Variants in NRIP3 observed in about 807,000 individuals in gnomAD.
NRIP3 encodes the protein nuclear receptor interacting protein 3.
Under a neutral mutation model 29.0 loss-of-function variants are expected in NRIP3, and 31 were observed. The observed-to-expected ratio is 1.07, with a 90% confidence interval of 0.80 to 1.44. The LOEUF (loss-of-function observed/expected upper bound fraction) is 1.44. Among genes scored for constraint, NRIP3 ranks in the 40% most tolerant of loss-of-function variants. The pLI is 0.00. For missense variants in NRIP3, 314 were observed against 297.9 expected, an observed-to-expected ratio of 1.05 and a Z score of -0.40; for synonymous variants, 131 against 118.3, an observed-to-expected ratio of 1.11 and a Z score of -0.70.
intron 1 of NRIP3, 51 bp downstream of exon 1, chr11:9,003,711 G>C (rs1490977754): frequency 3.7e-6 from 5 of 1,356,452 alleles, no homozygotes; most frequent in South Asian, 1.7e-5. Flanking sequence ...CTCGGAAAAC[G>C]GCGGGCGCGA....
rs1854862465 is a variant in NRIP3 at position 9,003,893 on chromosome 11, T to G, written c.43A>C (p.Thr15Pro). The change falls in exon 1 of 7, where the codon ACC becomes CCC. Residue 15 changes from threonine to proline, a missense_variant. Physicochemically the swap from Thr to Pro is conservative, Grantham distance 38. Coordinates refer to ENST00000309166, the MANE Select transcript of NRIP3 (RefSeq NM_020645.3). ...AGTGACGCCGCCTCCCGCATGTCGG[T>G]CTCCTTGCGGCCGCCCTCAGTGAGG... is the stretch of plus-strand genomic sequence containing the variant. ...GLLTEGGRKE[T>P]DMREAASLRQ... 6.6e-7 allele frequency: 1 copy of G among 1,523,302 alleles called. No homozygotes were observed. The highest frequency in any genetic ancestry group is 1.4e-5 in the African/African-American group (1 of 69,774). The allele number at this position is 1,523,302 out of a possible 1,614,324, so 94.4% of individuals were successfully genotyped here.
chr11:8,996,224 T>C (rs1854701546), intron 1 of NRIP3, among the ~76,000 whole-genome samples: 1 of 151,736 alleles, frequency 6.6e-6, no homozygotes, highest in Admixed American at 6.6e-5. Context: ...GCTCTTGACA[T>C]AGTACTGAAA....
chr11:8,987,522 T>A, intron 3 of NRIP3, 26 bp downstream of exon 3: 1 of 1,523,584 alleles, frequency 6.6e-7, no homozygotes, highest in Non-Finnish European at 9.1e-7. Flanking sequence ...ACATCTAAGT[T>A]CCACTCAGCA....
intron 1 of NRIP3, among the ~76,000 whole-genome samples, chr11:8,999,256 A>G (rs930014342): frequency 1.1e-4 from 16 of 152,176 alleles, no homozygotes; most frequent in Admixed American, 3.3e-4. Flanking sequence ...CAATGCATCA[A>G]TTACATTTGT....
Position 8,983,513 on chromosome 11 carries a change from A to T in NRIP3, c.*32T>A. 6.2e-7 allele frequency: 1 copy of T among 1,609,812 alleles called. No homozygotes were observed. Among genetic ancestry groups the T allele is most frequent in the Non-Finnish European group, 8.5e-7 (1 of 1,176,678 alleles). Reference sequence around the variant, plus strand: ...CTATCTGTCAACCCGGTGTGTATGCATGCACACGTGCAGACATGCTGCAGG... The same window carrying T: ...CTATCTGTCAACCCGGTGTGTATGCTTGCACACGTGCAGACATGCTGCAGG... On this transcript the variant is annotated 3_prime_UTR_variant, in exon 7 of 7. Coordinates refer to ENST00000309166, the MANE Select transcript of NRIP3 (RefSeq NM_020645.3).
intron 1 of NRIP3, among the ~76,000 whole-genome samples, chr11:8,994,600 G>T (rs2134922206): frequency 6.6e-6 from 1 of 152,280 alleles, no homozygotes; most frequent in Middle Eastern, 3.4e-3. Flanking sequence ...AGACAAGTTT[G>T]TGGTATAAGC....
intron 4 of NRIP3, among the ~76,000 whole-genome samples, chr11:8,984,417 C>A (rs1342475174): frequency 2.0e-5 from 3 of 152,130 alleles, no homozygotes; most frequent in Non-Finnish European, 4.4e-5. Context: ...CACCCACCAC[C>A]ACGCTTGGCT....
intron 1 of NRIP3, 139 bp from the exon 2 acceptor site, chr11:8,988,421 G>A (rs1347518315): frequency 4.3e-6 from 3 of 693,816 alleles, no homozygotes; most frequent in Admixed American, 3.0e-5. Context: ...CTTCCTTCAA[G>A]TGAGGACTTC....
chr11:9,002,383 T>C (rs1854820307), intron 1 of NRIP3, among the ~76,000 whole-genome samples: 1 of 151,960 alleles, frequency 6.6e-6, no homozygotes, highest in Non-Finnish European at 1.5e-5. Context: ...CTTATCACTC[T>C]GGGTTAGCAT....
intron 6 of NRIP3, 104 bp downstream of exon 6, chr11:8,983,771 C>G: frequency 1.9e-6 from 2 of 1,059,732 alleles, no homozygotes; most frequent in Non-Finnish European, 1.5e-6. Flanking sequence ...AATTGAAAGC[C>G]AAAGACAGGA....
Position 8,985,769 on chromosome 11 carries a change from A to C in NRIP3, c.504T>G (p.Ile168Met), listed in dbSNP as rs1209227849. Reference sequence around the variant, plus strand: ...AGCCCAGTGTGATCACTAGGTGCTCAATCTGGCCCACTACTTTGAGATGCC... The same window carrying C: ...AGCCCAGTGTGATCACTAGGTGCTCCATCTGGCCCACTACTTTGAGATGCC... ...LPRHLKVVGQ[I>M]EHLVITLGSL... Residue 168 changes from isoleucine (I) to methionine (M), a missense_variant, in exon 4 of 7, where the codon ATT (isoleucine) becomes ATG (methionine). Ile to Met is a conservative substitution (Grantham distance 10, BLOSUM62 1). Coordinates refer to ENST00000309166, the MANE Select transcript of NRIP3 (RefSeq NM_020645.3). 6.2e-7 allele frequency: 1 copy of C among 1,614,176 alleles called. No homozygotes were observed. Among genetic ancestry groups the C allele is most frequent in the Non-Finnish European group, 8.5e-7 (1 of 1,180,022 alleles).
chr11:8,992,423 C>T (rs188658682), intron 1 of NRIP3, among the ~76,000 whole-genome samples: 12 of 152,202 alleles, frequency 7.9e-5, no homozygotes, highest in African/African-American at 2.4e-4. Context: ...CACATGGAGC[C>T]TACCATAATG....
rs752845130 is a variant in NRIP3 at position 8,985,826 on chromosome 11, G to A, written c.447C>T (p.His149=). ...GAGAAAGCTTTTCTCCTTCATGCTT[G>A]TGGGATTTGACATGCTCCTTGAGTC... The part of the protein sequence containing the change: ...RLGLKEHVKS[H]KHEGEKLSLP... The change falls in exon 4 of 7, where the codon CAC becomes CAT. Residue 149 remains histidine (H), a synonymous_variant. Transcript: ENST00000309166. 23 of 1,614,020 alleles carry A rather than the reference G, an allele frequency of 1.4e-5. No individual in the cohort carries two copies. In the Admixed American group the frequency reaches 3.2e-4, roughly 22 times the overall value.
intron 1 of NRIP3, among the ~76,000 whole-genome samples, chr11:9,001,209 CA>C (rs531896213): frequency 6.6e-6 from 1 of 152,184 alleles, no homozygotes; most frequent in Non-Finnish European, 1.5e-5. Context: ...GACTTTGTAT[CA>C]GCCAACTCCA....
rs1393490767 is a variant in NRIP3, at chr11:8,984,085, A to G, written c.602T>C (p.Leu201Pro). Residue 201 changes from leucine to proline, a missense_variant, in exon 5 of 7, where the codon CTC becomes CCC. Physicochemically the swap from Leu to Pro is moderately conservative, Grantham distance 98. Coordinates refer to ENST00000309166, the MANE Select transcript of NRIP3 (RefSeq NM_020645.3). ...EKNLSLGLQT[L>P]RSLKCIINLD... ...AGTCAATCTTACCTTCAGAGATCGG[A>G]GAGTCTGTAGACCAAGGGACAAGTT... 5.0e-6 allele frequency: 8 copies of G among 1,613,070 alleles called. No homozygotes were observed. Among genetic ancestry groups the G allele is most frequent in the African/African-American group, 2.7e-5 (2 of 75,014 alleles).
chr11:8,983,350 C>T lies in NRIP3; in HGVS notation c.*195G>A, dbSNP rs185307676. The T allele has an allele frequency of 8.4e-6, 5 of 596,816 alleles. No homozygotes were observed. The highest frequency in any genetic ancestry group is 1.5e-5 in the Non-Finnish European group (5 of 332,920). 37.0% of individuals were successfully genotyped at this position (596,816 alleles called of 1,614,324 possible). A position where few individuals can be genotyped will look rare whatever the true frequency, so the allele number is the denominator to read the frequency against. ...GATCAAAGTAGTAAAAAACAATGGC[C>T]ATAACCAGACAAGATCTCTAAGCAT... is the stretch of plus-strand genomic sequence containing the variant. On this transcript the variant is annotated 3_prime_UTR_variant, in exon 7 of 7. Coordinates refer to ENST00000309166, the MANE Select transcript of NRIP3 (RefSeq NM_020645.3).
At chr11:8,983,740 G>C in intron 6 of NRIP3, 135 bp downstream of exon 6, 1 of 898,908 alleles carries the variant, frequency 1.1e-6, no homozygotes, top group Non-Finnish European at 1.8e-6. Context: ...CTGGGTGTGG[G>C]GAAGGGTGGA....
chr11:8,989,221 T>A (rs1333854170), intron 1 of NRIP3, among the ~76,000 whole-genome samples: 1 of 152,238 alleles, frequency 6.6e-6, no homozygotes, highest in Non-Finnish European at 1.5e-5. Context: ...CAAAGTGGCC[T>A]CCAGAAAGTT....
intron 4 of NRIP3, 68 bp from the exon 5 acceptor site, chr11:8,984,192 C>A (rs1187961153): frequency 1.4e-5 from 13 of 941,318 alleles, no homozygotes; most frequent in Non-Finnish European, 2.3e-5. Context: ...GGCCTAATCA[C>A]TATTAGGTTC....
Sources: gnomAD v4.1 joint callset for allele counts (sites outside exome capture counted in the v4.1 genomes callset) on GRCh38, gnomAD v4.1.1 for gene constraint, MANE v1.5 for transcripts, NCBI Gene and HGNC (gene_info 2026-07-23, HGNC 2026-07-21) for gene names.